The following IAPP variants were observed in gnomAD, a reference collection of about 807,000 sequenced individuals.
The protein encoded by IAPP is islet amyloid polypeptide, also known as Islet amyloid polypeptide (diabetes-associated peptide; amylin).
IAPP carries 4 observed loss-of-function variants against 2.9 expected under a neutral mutation model. The observed-to-expected ratio is 1.39, with a 90% CI of 0.69 to 3.19. The LOEUF is 3.19. Ranked by LOEUF, IAPP falls within the 30% of genes most tolerant of loss-of-function variation. The probability of loss-of-function intolerance (pLI) is 0.01; values close to 1 mark genes in which losing one functional copy is unlikely to be tolerated. For synonymous variants in IAPP, 40 were observed against 42.1 expected, an observed-to-expected ratio of 0.95 and a Z score of 0.19; for missense variants, 114 against 105.3, an observed-to-expected ratio of 1.08 and a Z score of -0.36.
intron 2 of IAPP, among the ~76,000 whole-genome samples, chr12:21,377,893 T>A (rs1940317252): frequency 6.6e-6 from 1 of 152,152 alleles, no homozygotes. Flanking sequence ...CCTTCTAAAT[T>A]CTTTTTATAT....
chr12:21,363,844 C>T (rs1939144326), intron 1 of IAPP, among the ~76,000 whole-genome samples: 1 of 152,084 alleles, frequency 6.6e-6, no homozygotes, highest in African/African-American at 2.4e-5. Flanking sequence ...AAGACTAAAC[C>T]AGGAAGAAGC....
intron 1 of IAPP, among the ~76,000 whole-genome samples, chr12:21,361,744 G>A (rs916973611): frequency 2.6e-5 from 4 of 152,156 alleles, no homozygotes; most frequent in Non-Finnish European, 4.4e-5. Flanking sequence ...ACTACGTGAC[G>A]CATGTACAAG....
At chr12:21,364,600 G>C (rs927728823) in intron 1 of IAPP, among the ~76,000 whole-genome samples, 1 of 152,176 alleles carries the variant, frequency 6.6e-6, no homozygotes, top group African/African-American at 2.4e-5. Flanking sequence ...AAAAGAGGAA[G>C]TCAAATTGTC....
intron 2 of IAPP, among the ~76,000 whole-genome samples, chr12:21,376,662 T>TAAA (rs141702135): frequency 6.7e-5 from 10 of 148,190 alleles, no homozygotes; most frequent in African/African-American, 2.5e-4. Flanking sequence ...GAGTAAAATT[T>TAAA]AAAAAAAAAA....
At chr12:21,357,874 T>C (rs1352140997) in intron 1 of IAPP, among the ~76,000 whole-genome samples, 1 of 152,196 alleles carries the variant, frequency 6.6e-6, no homozygotes, top group Non-Finnish European at 1.5e-5. Flanking sequence ...AGAAAATTTA[T>C]TGAGAAGTTT....
chr12:21,364,948 T>A (rs56278672), intron 1 of IAPP, among the ~76,000 whole-genome samples: 11,468 of 152,232 alleles, frequency 0.075, 480 homozygotes, highest in African/African-American at 0.12. Context: ...GAAGAATCAA[T>A]GTTGTGAAAA....
chr12:21,359,771 C>T (rs1398984054), intron 1 of IAPP, among the ~76,000 whole-genome samples: 1 of 151,724 alleles, frequency 6.6e-6, no homozygotes, highest in Non-Finnish European at 1.5e-5. Flanking sequence ...AATCAATGGA[C>T]TTCTTACCTC....
intron 1 of IAPP, among the ~76,000 whole-genome samples, chr12:21,362,885 A>C (rs1391009552): frequency 6.6e-6 from 1 of 152,216 alleles, no homozygotes; most frequent in Non-Finnish European, 1.5e-5. Context: ...GAGCACCCAG[A>C]TTCATAAAGC....
At chr12:21,358,223 G>A (rs924802318) in intron 1 of IAPP, among the ~76,000 whole-genome samples, 4 of 152,120 alleles carry the variant, frequency 2.6e-5, no homozygotes, top group African/African-American at 9.7e-5. Context: ...GTGAATCTGT[G>A]ATACAAAGAG....
intron 1 of IAPP, among the ~76,000 whole-genome samples, chr12:21,357,304 C>T (rs1030051316): frequency 2.1e-4 from 32 of 152,140 alleles, no homozygotes; most frequent in African/African-American, 7.7e-4. Flanking sequence ...GACACACACA[C>T]AGGGATAATG....
At chr12:21,360,808 T>C (rs1274490929) in intron 1 of IAPP, among the ~76,000 whole-genome samples, 1 of 152,082 alleles carries the variant, frequency 6.6e-6, no homozygotes, top group Non-Finnish European at 1.5e-5. Flanking sequence ...CAGTCTGAGA[T>C]GGAACTGCAA....
At chr12:21,372,345 C>G (rs376402872), upstream of IAPP, among the ~76,000 whole-genome samples, 57 of 152,262 alleles carry the variant, frequency 3.7e-4, 1 homozygote, top group South Asian at 0.011. Flanking sequence ...TGTCATATCT[C>G]TGGTACCTAG....
chr12:21,373,845 G>T, intron 2 of IAPP: 3 of 518,722 alleles, frequency 5.8e-6, no homozygotes, highest in East Asian at 2.9e-5. Context: ...TTAGATTTTT[G>T]TTTTCCTCAG....
chr12:21,360,262 T>C (rs561435781), intron 1 of IAPP, among the ~76,000 whole-genome samples: 1 of 152,326 alleles, frequency 6.6e-6, no homozygotes, highest in South Asian at 2.1e-4. Flanking sequence ...GTGTGTGCAT[T>C]GGCCAAAACC....
chr12:21,359,784 C>T (rs1938677936), intron 1 of IAPP, among the ~76,000 whole-genome samples: 1 of 152,064 alleles, frequency 6.6e-6, no homozygotes, highest in African/African-American at 2.4e-5. Context: ...CTTACCTCTC[C>T]TTACATACTT....
rs1940484915 is a variant in IAPP, at chr12:21,379,961, G to A, written c.*1535G>A. ...CATGAATTACATATTGAAATAAATA[G>A]GTGAATATACAAATTTATATTTGTG... On this transcript the variant is annotated 3_prime_UTR_variant, in exon 3 of 3. Transcript: ENST00000240652. The A allele has an allele frequency of 4.6e-5, 7 of 152,024 alleles. No homozygotes were observed. Among genetic ancestry groups the A allele is most frequent in the Admixed American group, 4.6e-4 (7 of 15,252 alleles). 9.4% of individuals were successfully genotyped at this position (152,024 alleles called of 1,614,324 possible).
intron 1 of IAPP, among the ~76,000 whole-genome samples, chr12:21,360,933 T>C (rs1309764317): frequency 6.6e-6 from 1 of 152,168 alleles, no homozygotes; most frequent in Admixed American, 6.5e-5. Flanking sequence ...GAGGCCTGCC[T>C]GCCTCTGTAG....
At chr12:21,373,290 G>A (rs1939933425) in intron 1 of IAPP, 47 bp from the exon 2 acceptor site, 1 of 1,101,330 alleles carries the variant, frequency 9.1e-7, no homozygotes, top group Non-Finnish European at 1.4e-6. Flanking sequence ...ACATCAATTA[G>A]AACTGTAAGA....
rs1939996433 is a variant in IAPP at position 21,373,965 on chromosome 12, A to T, written c.80+534A>T. ...GAAATGAAATCTAAAAGAAGTAGTTAAAAAGCCATTTGCTGTTGGGGGATT... is the reference window on the plus strand; with the variant it reads ...GAAATGAAATCTAAAAGAAGTAGTTTAAAAGCCATTTGCTGTTGGGGGATT... On this transcript the variant is annotated intron_variant, in intron 2 of 2. Transcript: ENST00000240652. Among the ~76,000 whole-genome samples the T allele has an allele frequency of 2.0e-5, 3 of 152,336 alleles. No homozygotes were observed. In the East Asian group the frequency reaches 5.8e-4, roughly 29 times the overall value.
Sources: allele counts gnomAD v4.1 joint callset (sites outside exome capture counted in the v4.1 genomes callset), GRCh38; gene constraint gnomAD v4.1.1; transcripts MANE v1.5; gene names NCBI Gene and HGNC (gene_info 2026-07-23, HGNC 2026-07-21).